The following COL4A1 variants were observed in gnomAD, a reference collection of about 807,000 sequenced individuals.
COL4A1 encodes the protein collagen alpha-1(IV) chain.
Under a neutral mutation model 216.6 loss-of-function variants are expected in COL4A1, and 40 were observed. The ratio of observed to expected loss-of-function variants is 0.18; its 90% CI spans 0.14 to 0.24. The LOEUF (loss-of-function observed/expected upper bound fraction) is 0.24, where lower values mean the gene tolerates loss of function less well. Ranked by LOEUF, COL4A1 falls within the 10% of genes least tolerant of loss-of-function variation. COL4A1 has a pLI of 1.00. For synonymous variants in COL4A1, 839 were observed against 810.7 expected (o/e 1.03, Z -0.59); for missense variants, 1,628 against 2,196.8 (o/e 0.74, Z 5.18).
At chr13:110,218,123 TG>T (rs1271750469) in intron 2 of COL4A1, among the ~76,000 whole-genome samples, 2 of 152,038 alleles carry the variant, frequency 1.3e-5, no homozygotes, top group Non-Finnish European at 2.9e-5. Context: ...CTTCTAAATG[TG>T]GGGGGAAAAT....
intron 10 of COL4A1, 149 bp downstream of exon 10, chr13:110,209,831 G>A (rs534825220): frequency 1.5e-5 from 15 of 990,934 alleles, no homozygotes; most frequent in East Asian, 4.7e-5. Context: ...CCAGCCAAAC[G>A]TTTAGTAAGA....
rs922024064 is a variant in COL4A1 at position 110,211,526 on chromosome 13, G to C, written c.468+121C>G. ...GTCTTTTCATGTAACAGAGTTTAGG[G>C]AAGTGTGTTCAGAAACAATCGATCA... On this transcript the variant is annotated intron_variant, in intron 8 of 51. Transcript: ENST00000375820. The surrounding 1 kb of genome is among the most constrained non-coding windows in gnomAD (Gnocchi z 4.3). 3.4e-6 allele frequency: 3 copies of C among 889,082 alleles called. 1 individual carries two copies. The Admixed American group carries it at 6.9e-5, about 20-fold the overall frequency. 55.1% of individuals were successfully genotyped at this position (889,082 alleles called of 1,614,324 possible).
chr13:110,253,370 CATATAATTATATGTATTA>C (rs1882308641), intron 1 of COL4A1, among the ~76,000 whole-genome samples: 1 of 9,686 alleles, frequency 1.0e-4, no homozygotes, highest in Non-Finnish European at 2.1e-4. Context: ...ATTACATATA[CATATAATTATATGTATTA>C]CATATACATA....
At chr13:110,279,099 T>G (rs575630387) in intron 1 of COL4A1, among the ~76,000 whole-genome samples, 1 of 152,290 alleles carries the variant, frequency 6.6e-6, no homozygotes, top group East Asian at 1.9e-4. Flanking sequence ...GTGCTCTCAA[T>G]GTCCTACTGT....
At chr13:110,261,035 T>TAAAAAAAAAAAAAAAAAAAAAA in intron 1 of COL4A1, among the ~76,000 whole-genome samples, 1 of 42,128 alleles carries the variant, frequency 2.4e-5, no homozygotes. Context: ...AGACTCCGTC[T>TAAAAAAAAAAAAAAAAAAAAAA]CAAAAAAAAA....
chr13:110,219,788 A>G (rs954413481), intron 2 of COL4A1, among the ~76,000 whole-genome samples: 2 of 141,646 alleles, frequency 1.4e-5, no homozygotes, highest in Non-Finnish European at 3.1e-5. Context: ...ATGCGTATAT[A>G]TGTGTATATA....
intron 43 of COL4A1, among the ~76,000 whole-genome samples, chr13:110,168,005 G>A (rs1877422964): frequency 6.8e-6 from 1 of 146,200 alleles, no homozygotes. Context: ...ACCAGGAATG[G>A]GGTGTATTTC....
At chr13:110,264,446 A>G (rs1353598579) in intron 1 of COL4A1, among the ~76,000 whole-genome samples, 1 of 152,104 alleles carries the variant, frequency 6.6e-6, no homozygotes, top group Non-Finnish European at 1.5e-5. Context: ...CAAATTCCCA[A>G]TAATTCCTAA....
intron 1 of COL4A1, among the ~76,000 whole-genome samples, chr13:110,267,192 C>G (rs1194960663): frequency 6.6e-6 from 1 of 152,048 alleles, no homozygotes; most frequent in East Asian, 1.9e-4. Context: ...CCTGAGCCTC[C>G]CCACCATCCA....
intron 1 of COL4A1, among the ~76,000 whole-genome samples, chr13:110,252,622 T>TATAC (rs1882169801): frequency 6.0e-4 from 5 of 8,272 alleles, no homozygotes; most frequent in Non-Finnish European, 1.1e-3. Flanking sequence ...TATGTATAAT[T>TATAC]GTATATATTA....
chr13:110,283,810 T>C lies in COL4A1; in HGVS notation c.84+23134A>G, dbSNP rs1365596344. 3.9e-5 allele frequency among the ~76,000 whole-genome samples: 6 copies of C among 152,208 alleles called. 1 individual carries two copies. In the East Asian group the frequency reaches 1.2e-3, roughly 29 times the overall value. On this transcript the variant is annotated intron_variant, in intron 1 of 51. Coordinates refer to ENST00000375820, the MANE Select transcript of COL4A1 (RefSeq NM_001845.6). ...GTGGGGTGAGCTTGGACAGCAGCAGTGGGTGGCATTTGGGGGGTTATTTTT... is the reference window on the plus strand; with the variant it reads ...GTGGGGTGAGCTTGGACAGCAGCAGCGGGTGGCATTTGGGGGGTTATTTTT...
At chr13:110,235,174 C>A (rs1308588128) in intron 2 of COL4A1, among the ~76,000 whole-genome samples, 2 of 152,064 alleles carry the variant, frequency 1.3e-5, no homozygotes, top group Non-Finnish European at 2.9e-5. Flanking sequence ...TAATAACTCA[C>A]CATTATTAGT....
At chr13:110,233,119 A>T (rs1881142518) in intron 2 of COL4A1, among the ~76,000 whole-genome samples, 1 of 152,174 alleles carries the variant, frequency 6.6e-6, no homozygotes, top group African/African-American at 2.4e-5. Flanking sequence ...TCTAGGGTAC[A>T]TTGTTGATAT....
intron 1 of COL4A1, among the ~76,000 whole-genome samples, chr13:110,302,910 G>A (rs1007076751): frequency 2.0e-5 from 3 of 152,174 alleles, no homozygotes; most frequent in African/African-American, 7.2e-5. Flanking sequence ...ACCTCCTTGT[G>A]AGACATTTTA....
At chr13:110,275,867 G>A (rs954977080) in intron 1 of COL4A1, among the ~76,000 whole-genome samples, 2 of 152,170 alleles carry the variant, frequency 1.3e-5, no homozygotes, top group Non-Finnish European at 2.9e-5. Context: ...AAACTACGGA[G>A]ACAGCAAGAG....
In COL4A1 at chr13:110,192,817, A is replaced by G. The variant is rs1878700089; in HGVS notation, c.1465+13T>C. The G allele has an allele frequency of 6.2e-7, 1 of 1,611,904 alleles. No homozygotes were observed. Among genetic ancestry groups the G allele is most frequent in the Non-Finnish European group, 8.5e-7 (1 of 1,178,104 alleles). The stretch of plus-strand genomic sequence containing the variant: ...CAAACTCTGACCTGGTCCTTTTCAC[A>G]TGTGGGTCTTACCTATTTCTCCCGG... On this transcript the variant is annotated intron_variant, in intron 23 of 51. Transcript: ENST00000375820.
At chr13:110,236,017 TACA>T (rs1473100427) in intron 2 of COL4A1, among the ~76,000 whole-genome samples, 2 of 152,216 alleles carry the variant, frequency 1.3e-5, no homozygotes, top group Non-Finnish European at 2.9e-5. Context: ...AAGATTTAAT[TACA>T]ACTATGAAAA....
intron 2 of COL4A1, among the ~76,000 whole-genome samples, chr13:110,221,330 GA>G (rs1880467969): frequency 6.6e-6 from 1 of 151,906 alleles, no homozygotes; most frequent in Non-Finnish European, 1.5e-5. Flanking sequence ...CAGCTTAAAA[GA>G]AAAAAATGAA....
At chr13:110,260,973 C>T (rs1274632647) in intron 1 of COL4A1, among the ~76,000 whole-genome samples, 1 of 125,366 alleles carries the variant, frequency 8.0e-6, no homozygotes, top group East Asian at 2.6e-4. Flanking sequence ...AGAAGTGGAG[C>T]TTGCAGTGAG....
Sources: gnomAD v4.1 joint callset for allele counts (sites outside exome capture counted in the v4.1 genomes callset) on GRCh38, gnomAD v4.1.1 for gene constraint, Gnocchi (gnomAD v3.1) non-coding constraint, MANE v1.5 for transcripts, NCBI Gene and HGNC (gene_info 2026-07-23, HGNC 2026-07-21) for gene names.